The following PUM3 variants were observed in gnomAD, a reference collection of about 807,000 sequenced individuals.
PUM3 encodes pumilio homolog 3.
In PUM3, 91 loss-of-function variants were observed where a neutral mutation model predicts 84.0. That is an observed-to-expected ratio of 1.08 (90% confidence interval 0.91 to 1.29). PUM3 has a LOEUF of 1.29. Ranked by LOEUF, PUM3 falls within the 50% of genes most tolerant of loss-of-function variation. PUM3 has a pLI of 0.00. For missense variants in PUM3, 1,067 were observed against 767.5 expected (o/e 1.39, Z -4.61); for synonymous variants, 321 against 266.7 (o/e 1.20, Z -1.98).
chr9:2,833,899 G>T, intron 4 of PUM3, 132 bp downstream of exon 4: 1 of 788,402 alleles, frequency 1.3e-6, no homozygotes, highest in Non-Finnish European at 2.1e-6. Flanking sequence ...GTCTCTAATG[G>T]GGTGTCATGA....
At position 2,834,979 on chromosome 9, in the gene PUM3, A is replaced by G. The variant is rs549310718; in HGVS notation, c.305-813T>C. ...TTGGGGGAATTAGTCACTTCTAACTATCTCCCTGTCTCTATAAAAAACTGG... is the reference window on the plus strand; with the variant it reads ...TTGGGGGAATTAGTCACTTCTAACTGTCTCCCTGTCTCTATAAAAAACTGG... On this transcript the variant is annotated intron_variant, in intron 3 of 17. Coordinates refer to ENST00000397885, the MANE Select transcript of PUM3 (RefSeq NM_014878.5). Among the ~76,000 whole-genome samples, 7 of 150,564 alleles carry G rather than the reference A, an allele frequency of 4.6e-5. No individual in the cohort carries two copies. In the South Asian group the frequency reaches 1.5e-3, roughly 31 times the overall value.
intron 5 of PUM3, 76 bp from the exon 6 acceptor site, chr9:2,831,420 T>C (rs1815976780): frequency 1.1e-6 from 1 of 897,038 alleles, no homozygotes; most frequent in Middle Eastern, 2.9e-4. Context: ...TGACCTCTTC[T>C]GGAATTTCTT....
rs528873464 is a variant in PUM3 at position 2,820,330 on chromosome 9, AT to A, written c.1189-233del. On this transcript the variant is annotated intron_variant, in intron 12 of 17. Coordinates refer to ENST00000397885, the MANE Select transcript of PUM3 (RefSeq NM_014878.5). ...TAATTATATTCTAGAGGTAAGGTTG[AT>A]TTTTTTTTAAAGCACATTATTCATT... is the stretch of plus-strand genomic sequence containing the variant. Among the ~76,000 whole-genome samples the A allele has an allele frequency of 9.5e-4, 144 of 151,594 alleles. 1 individual carries two copies. Among genetic ancestry groups the A allele is most frequent in the Non-Finnish European group, 1.2e-3 (79 of 67,820 alleles).
chr9:2,827,023 C>T, intron 10 of PUM3, 50 bp downstream of exon 10: 1 of 1,449,890 alleles, frequency 6.9e-7, no homozygotes, highest in Non-Finnish European at 9.6e-7. Flanking sequence ...CAAATTTCTA[C>T]ACCGCTCCTC....
At chr9:2,823,265 A>G (rs1338183111) in intron 12 of PUM3, among the ~76,000 whole-genome samples, 1 of 152,244 alleles carries the variant, frequency 6.6e-6, no homozygotes, top group East Asian at 1.9e-4. Flanking sequence ...GAAAATTGTT[A>G]CTGCATTTCT....
At chr9:2,819,564 T>C (rs754098238) in intron 13 of PUM3, among the ~76,000 whole-genome samples, 5 of 152,226 alleles carry the variant, frequency 3.3e-5, no homozygotes, top group Non-Finnish European at 7.3e-5. Context: ...ATTGATTAAC[T>C]GGGTAACTGT....
intron 14 of PUM3, among the ~76,000 whole-genome samples, chr9:2,811,902 C>A (rs970754113): frequency 8.6e-5 from 13 of 150,776 alleles, no homozygotes; most frequent in Middle Eastern, 3.5e-3. Flanking sequence ...CACATTTACA[C>A]TGCTGTATGG....
At chr9:2,833,558 C>A (rs764706858) in intron 4 of PUM3, 126 bp from the exon 5 acceptor site, 16 of 512,138 alleles carry the variant, frequency 3.1e-5, no homozygotes, top group Non-Finnish European at 4.7e-5. Context: ...AGGCAGCAAA[C>A]CTCTGCCATT....
At chr9:2,806,182 G>C (rs1367962864) in intron 17 of PUM3, among the ~76,000 whole-genome samples, 2 of 152,130 alleles carry the variant, frequency 1.3e-5, no homozygotes, top group Admixed American at 1.3e-4. Context: ...GAAATTTCCA[G>C]TTAATTGAGT....
chr9:2,810,226 T>C, intron 16 of PUM3, 118 bp downstream of exon 16: 1 of 687,276 alleles, frequency 1.5e-6, no homozygotes, highest in Non-Finnish European at 2.6e-6. Flanking sequence ...ACAGACACCA[T>C]TTCTAGACAC....
intron 9 of PUM3, among the ~76,000 whole-genome samples, chr9:2,827,431 T>C (rs1815852816): frequency 6.6e-6 from 1 of 152,240 alleles, no homozygotes; most frequent in Non-Finnish European, 1.5e-5. Context: ...TGCTCTGCTC[T>C]ATTAAATAAG....
chr9:2,831,064 C>A, intron 6 of PUM3, 36 bp from the exon 7 acceptor site: 1 of 1,148,412 alleles, frequency 8.7e-7, no homozygotes, highest in Non-Finnish European at 1.3e-6. Flanking sequence ...GACTTCAGAT[C>A]TCATTTCAGT....
At chr9:2,820,208 A>AG in intron 12 of PUM3, 110 bp from the exon 13 acceptor site, 1 of 534,208 alleles carries the variant, frequency 1.9e-6, no homozygotes, top group East Asian at 2.9e-5. Flanking sequence ...GCTCAAAAAA[A>AG]AAAAAAAAAA....
chr9:2,843,748 T>A (rs1816330902), intron 1 of PUM3, among the ~76,000 whole-genome samples: 1 of 151,718 alleles, frequency 6.6e-6, no homozygotes, highest in Middle Eastern at 3.4e-3. Context: ...CCGGCTAATT[T>A]TTTGTAGTTT....
At chr9:2,806,236 T>C (rs773071660) in intron 17 of PUM3, among the ~76,000 whole-genome samples, 1 of 152,190 alleles carries the variant, frequency 6.6e-6, no homozygotes, top group Non-Finnish European at 1.5e-5. Flanking sequence ...TCCAAATGCC[T>C]GGTAAAAAAA....
rs1195932109 is a variant in PUM3, at chr9:2,807,919, G to A, written c.1724-15C>T. On this transcript the variant is annotated splice_polypyrimidine_tract_variant and intron_variant, in intron 16 of 17. Transcript: ENST00000397885. ...TGCAAAACAACCTGTAAAATATACT[G>A]AAGCTTAGTGAACATCACATAATAA... 1.3e-6 allele frequency: 2 copies of A among 1,503,902 alleles called. No individual in the cohort carries two copies. Among genetic ancestry groups the A allele is most frequent in the East Asian group, 2.3e-5 (1 of 44,350 alleles). 93.2% of individuals were successfully genotyped at this position (1,503,902 alleles called of 1,614,324 possible). A position where few individuals can be genotyped will look rare whatever the true frequency, so the allele number is the denominator to read the frequency against.
chr9:2,826,376 G>C (rs550446793), intron 10 of PUM3, among the ~76,000 whole-genome samples: 1 of 152,290 alleles, frequency 6.6e-6, no homozygotes, highest in African/African-American at 2.4e-5. Flanking sequence ...CAAACCATAA[G>C]CTTACGTGGG....
intron 17 of PUM3, among the ~76,000 whole-genome samples, chr9:2,805,404 G>A (rs1040577376): frequency 3.9e-5 from 6 of 152,004 alleles, no homozygotes; most frequent in African/African-American, 9.7e-5. Context: ...CTTCTTTTTC[G>A]GGACCCTTTG....
intron 12 of PUM3, 45 bp downstream of exon 12, chr9:2,823,736 C>G: frequency 1.2e-6 from 1 of 865,584 alleles, no homozygotes; most frequent in Admixed American, 2.8e-5. Flanking sequence ...ATGAATTCAT[C>G]TTACTATCAA....
Sources: gnomAD v4.1 joint callset for allele counts (sites outside exome capture counted in the v4.1 genomes callset) on GRCh38, gnomAD v4.1.1 for gene constraint, MANE v1.5 for transcripts, NCBI Gene and HGNC (gene_info 2026-07-23, HGNC 2026-07-21) for gene names.